FSTL4: variants seen among roughly 807,000 people sequenced by gnomAD.
The protein encoded by FSTL4 is follistatin like 4.
Under a neutral mutation model 78.2 loss-of-function variants are expected in FSTL4, and 28 were observed. That is an observed-to-expected ratio of 0.36 (90% CI 0.27 to 0.49). The LOEUF (loss-of-function observed/expected upper bound fraction) is 0.49. Among genes scored for constraint, FSTL4 ranks in the 20% least tolerant of loss-of-function variants. The pLI is 0.98. For synonymous variants in FSTL4, 422 were observed against 440.5 expected (o/e 0.96, Z 0.53); for missense variants, 922 against 1,084.9 (o/e 0.85, Z 2.11).
chr5:133,381,863 C>G (rs370586221), intron 4 of FSTL4, among the ~76,000 whole-genome samples: 1 of 152,198 alleles, frequency 6.6e-6, no homozygotes, highest in African/African-American at 2.4e-5. Context: ...ACACGCTGGC[C>G]GGGATGCCGT....
At chr5:133,290,513 C>A (rs1182895005) in intron 6 of FSTL4, among the ~76,000 whole-genome samples, 3 of 152,214 alleles carry the variant, frequency 2.0e-5, no homozygotes, top group Non-Finnish European at 4.4e-5. Flanking sequence ...GGGGAGGGGT[C>A]CCACACGGGC....
intron 2 of FSTL4, chr5:133,574,698 C>G (rs1042936728): frequency 1.3e-5 from 2 of 152,166 alleles, no homozygotes; most frequent in Non-Finnish European, 2.9e-5. Context: ...AATGGTGGAA[C>G]AGATAAACTG....
intron 6 of FSTL4, among the ~76,000 whole-genome samples, chr5:133,296,464 G>A (rs1238735884): frequency 6.6e-6 from 1 of 152,166 alleles, no homozygotes; most frequent in East Asian, 1.9e-4. Flanking sequence ...GAAAACAAAA[G>A]TGCTTAGGTT....
chr5:133,716,538 C>G, the FSTL4 span, among the ~76,000 whole-genome samples: 1 of 152,100 alleles, frequency 6.6e-6, no homozygotes, highest in African/African-American at 2.4e-5. Flanking sequence ...CAGGCAGGAC[C>G]ACGGAACTAC....
At chr5:133,315,507 A>G (rs1348621985) in intron 5 of FSTL4, among the ~76,000 whole-genome samples, 1 of 152,126 alleles carries the variant, frequency 6.6e-6, no homozygotes, top group African/African-American at 2.4e-5. Context: ...CAGCCTTGAG[A>G]AGGTCCCTGT....
chr5:133,596,073 G>A (rs753290429), intron 2 of FSTL4, among the ~76,000 whole-genome samples: 2 of 152,212 alleles, frequency 1.3e-5, no homozygotes, highest in Non-Finnish European at 2.9e-5. Flanking sequence ...GAGTTAACAG[G>A]GTTCTATGGT....
chr5:133,474,684 A>G (rs1364259871), intron 3 of FSTL4, among the ~76,000 whole-genome samples: 1 of 152,168 alleles, frequency 6.6e-6, no homozygotes, highest in Non-Finnish European at 1.5e-5. Flanking sequence ...ATTGCCAAAA[A>G]TGGTTGATGC....
At chr5:133,768,057 G>T in the FSTL4 span, among the ~76,000 whole-genome samples, 1 of 152,124 alleles carries the variant, frequency 6.6e-6, no homozygotes, top group African/African-American at 2.4e-5. Flanking sequence ...AGAGGAATGA[G>T]CCAATGAAGC....
intron 3 of FSTL4, among the ~76,000 whole-genome samples, chr5:133,410,858 C>T (rs1756463997): frequency 6.6e-6 from 1 of 152,212 alleles, no homozygotes; most frequent in Non-Finnish European, 1.5e-5. Context: ...TAAAAACATG[C>T]ACTGGATAAT....
At chr5:133,714,527 C>T in the FSTL4 span, among the ~76,000 whole-genome samples, 391 of 152,306 alleles carry the variant, frequency 2.6e-3, no homozygotes, top group Non-Finnish European at 3.7e-3. Flanking sequence ...CAAAAATACT[C>T]GATGCCTCTT....
At chr5:133,399,615 G>A (rs1238206756) in intron 4 of FSTL4, among the ~76,000 whole-genome samples, 1 of 152,228 alleles carries the variant, frequency 6.6e-6, no homozygotes, top group Non-Finnish European at 1.5e-5. Flanking sequence ...CCTCAGTGGG[G>A]TTCTGTGAGG....
At chr5:133,253,539 C>T (rs1752312244) in intron 6 of FSTL4, among the ~76,000 whole-genome samples, 1 of 152,192 alleles carries the variant, frequency 6.6e-6, no homozygotes, top group African/African-American at 2.4e-5. Context: ...GTCATCTGCC[C>T]CTGTTCTTTG....
At chr5:133,651,294 GA>G in the FSTL4 span, among the ~76,000 whole-genome samples, 1 of 152,150 alleles carries the variant, frequency 6.6e-6, no homozygotes. Context: ...GGTGAGAGGG[GA>G]CATCCTTGCC....
chr5:133,543,654 T>C (rs958647263), intron 3 of FSTL4, among the ~76,000 whole-genome samples: 4 of 152,188 alleles, frequency 2.6e-5, no homozygotes. Context: ...ATCTTTTATT[T>C]TCAGCCTTTA....
the FSTL4 span, among the ~76,000 whole-genome samples, chr5:133,742,180 A>G: frequency 2.0e-5 from 3 of 152,212 alleles, no homozygotes; most frequent in Non-Finnish European, 2.9e-5. Context: ...AACATAGTCA[A>G]TCATCCTGAT....
chr5:133,528,758 T>C (rs114588733), intron 3 of FSTL4, among the ~76,000 whole-genome samples: 2,816 of 152,330 alleles, frequency 0.018, 90 homozygotes, highest in African/African-American at 0.063. Context: ...ATATCCATTA[T>C]AGTGCATGGT....
chr5:133,647,099 T>G, the FSTL4 span, among the ~76,000 whole-genome samples: 1 of 152,100 alleles, frequency 6.6e-6, no homozygotes, highest in African/African-American at 2.4e-5. Context: ...AGCGGCCCAA[T>G]GTAAATTGTG....
At chr5:133,213,662 ATGTT>A (rs949284886) in intron 13 of FSTL4, among the ~76,000 whole-genome samples, 11 of 152,240 alleles carry the variant, frequency 7.2e-5, no homozygotes, top group Non-Finnish European at 1.3e-4. Context: ...AATAATTAAA[ATGTT>A]TGGCAAATCC....
chr5:133,610,379 A>T (rs1306570694), intron 1 of FSTL4, among the ~76,000 whole-genome samples: 1 of 152,232 alleles, frequency 6.6e-6, no homozygotes, highest in Non-Finnish European at 1.5e-5. Context: ...AATACATTAC[A>T]TCAAAGTGGA....
Sources: allele counts gnomAD v4.1 joint callset (sites outside exome capture counted in the v4.1 genomes callset), GRCh38; gene constraint gnomAD v4.1.1; transcripts MANE v1.5; gene names NCBI Gene and HGNC (gene_info 2026-07-23, HGNC 2026-07-21).